Variants in ANKRD44 observed in about 807,000 individuals in gnomAD.
The protein encoded by ANKRD44 is ankyrin repeat domain 44.
Under a neutral mutation model 116.0 loss-of-function variants are expected in ANKRD44, and 35 were observed. The ratio of observed to expected loss-of-function variants is 0.30; its 90% CI spans 0.23 to 0.40. The LOEUF is 0.40. ANKRD44 is among the 10% of genes least tolerant of loss of function. The pLI is 1.00. For missense variants in ANKRD44, 1,014 were observed against 1,242.6 expected (o/e 0.82, Z 2.77); for synonymous variants, 435 against 461.8 (o/e 0.94, Z 0.74).
intron 8 of ANKRD44, among the ~76,000 whole-genome samples, chr2:197,113,211 T>C (rs1033798930): frequency 5.9e-5 from 9 of 152,108 alleles, no homozygotes; most frequent in Admixed American, 6.5e-5. Context: ...GAAGGAGAGC[T>C]CCTAAAAGTT....
chr2:197,172,957 G>C (rs962628938), intron 2 of ANKRD44, among the ~76,000 whole-genome samples: 11 of 152,158 alleles, frequency 7.2e-5, no homozygotes, highest in African/African-American at 2.7e-4. Context: ...GAATAGAAGT[G>C]AAACAGCCAA....
At chr2:197,162,712 G>A (rs1048050269) in intron 2 of ANKRD44, among the ~76,000 whole-genome samples, 8 of 152,134 alleles carry the variant, frequency 5.3e-5, no homozygotes, top group African/African-American at 1.9e-4. Flanking sequence ...CCATGCTATA[G>A]GCTTCTGGAC....
chr2:197,019,058 A>G (rs879464189), intron 17 of ANKRD44, among the ~76,000 whole-genome samples: 1 of 152,214 alleles, frequency 6.6e-6, no homozygotes, highest in Non-Finnish European at 1.5e-5. Context: ...TCCAGACAAA[A>G]TTCTCTTGTC....
chr2:196,969,108 C>G (rs2075696352), intron 21 of ANKRD44, among the ~76,000 whole-genome samples: 1 of 152,192 alleles, frequency 6.6e-6, no homozygotes, highest in African/African-American at 2.4e-5. Flanking sequence ...AGGGAGGCAA[C>G]AGATACATGT....
intron 2 of ANKRD44, among the ~76,000 whole-genome samples, chr2:197,163,968 T>A (rs542690119): frequency 6.6e-6 from 1 of 152,148 alleles, no homozygotes; most frequent in East Asian, 1.9e-4. Context: ...GAGATTACAG[T>A]GGGGGAGTGG....
intron 27 of ANKRD44, chr2:196,990,034 C>T (rs2075890421): frequency 2.0e-6 from 2 of 1,014,610 alleles, no homozygotes; most frequent in South Asian, 4.0e-5. Context: ...ATAGGGAACA[C>T]TGTGTTAAAC....
chr2:197,309,797 T>TA (rs1282464818), intron 1 of ANKRD44, among the ~76,000 whole-genome samples: 5 of 152,170 alleles, frequency 3.3e-5, no homozygotes, highest in Non-Finnish European at 7.3e-5. Flanking sequence ...AGGTGGCTGT[T>TA]ACCATTCCAC....
chr2:196,971,944 A>G (rs1574204146), intron 21 of ANKRD44, among the ~76,000 whole-genome samples: 1 of 152,214 alleles, frequency 6.6e-6, no homozygotes. Flanking sequence ...ATGGATCTCT[A>G]TCCCAGCTCT....
At chr2:197,101,986 C>G (rs146912906) in intron 9 of ANKRD44, among the ~76,000 whole-genome samples, 2 of 151,986 alleles carry the variant, frequency 1.3e-5, no homozygotes, top group Non-Finnish European at 2.9e-5. Flanking sequence ...CCTCTTCATC[C>G]TCATACACAA....
intron 1 of ANKRD44, among the ~76,000 whole-genome samples, chr2:197,210,018 C>T (rs762323036): frequency 4.6e-5 from 7 of 152,152 alleles, no homozygotes; most frequent in Non-Finnish European, 8.8e-5. Context: ...ACCTAAGAGA[C>T]GTCTTACAGA....
chr2:197,136,678 A>G lies in ANKRD44; in HGVS notation c.191-16T>C, dbSNP rs936710674. 6.2e-7 allele frequency: 1 copy of G among 1,613,468 alleles called. No individual in the cohort carries two copies. Among genetic ancestry groups the G allele is most frequent in the African/African-American group, 1.3e-5 (1 of 74,892 alleles). ...ACACGAGCTCCTGGAATCAAACAGC[A>G]CAAGTTAGAGGCATAATGGGGTCAA... On this transcript the variant is annotated splice_polypyrimidine_tract_variant and intron_variant, in intron 3 of 27. Transcript: ENST00000282272.
chr2:197,294,864 T>A (rs1402224758), intron 1 of ANKRD44, among the ~76,000 whole-genome samples: 1 of 152,178 alleles, frequency 6.6e-6, no homozygotes, highest in Non-Finnish European at 1.5e-5. Context: ...TTTGCTCTCA[T>A]ATATAAGAAG....
intron 16 of ANKRD44, among the ~76,000 whole-genome samples, chr2:197,031,462 C>T (rs2124891372): frequency 6.6e-6 from 1 of 152,270 alleles, no homozygotes; most frequent in Admixed American, 6.5e-5. Context: ...TCTTGCCTCA[C>T]CCTCCTGAGT....
intron 3 of ANKRD44, among the ~76,000 whole-genome samples, chr2:197,144,380 G>T (rs1182105344): frequency 6.6e-6 from 1 of 152,168 alleles, no homozygotes; most frequent in African/African-American, 2.4e-5. Context: ...GAAACAGTTT[G>T]GTTGGATTCC....
rs1474036654 is a variant in ANKRD44, at chr2:197,013,563, T to C, written c.1872A>G (p.Ala624=). 1 of 1,614,224 alleles carries C rather than the reference T, an allele frequency of 6.2e-7. No homozygotes were observed. Among genetic ancestry groups the C allele is most frequent in the Non-Finnish European group, 8.5e-7 (1 of 1,180,040 alleles). The change falls in exon 18 of 28, where the codon GCA becomes GCG. Residue 624 remains alanine (A), a synonymous_variant. Coordinates refer to ENST00000282272, the MANE Select transcript of ANKRD44 (RefSeq NM_001195144.2). Reference sequence around the variant, plus strand: ...TTACATTGTCTTTCACAAAGATGGATGCGCCCTGATTGATAAGCGCTTCCA... The same window carrying C: ...TTACATTGTCTTTCACAAAGATGGACGCGCCCTGATTGATAAGCGCTTCCA... ...ECVEALINQG[A]SIFVKDNVTK...
chr2:196,983,107 T>C (rs948856268), downstream of ANKRD44, among the ~76,000 whole-genome samples: 1 of 152,002 alleles, frequency 6.6e-6, no homozygotes, highest in Non-Finnish European at 1.5e-5. Context: ...GACGGGTTGA[T>C]AGGTGCAGCA....
intron 16 of ANKRD44, among the ~76,000 whole-genome samples, chr2:197,045,636 G>A (rs561631113): frequency 6.6e-6 from 1 of 152,286 alleles, no homozygotes; most frequent in Admixed American, 6.5e-5. Context: ...GACAGGCTTG[G>A]AATCTCACTC....
At chr2:197,252,019 T>C (rs1574364486) in intron 1 of ANKRD44, among the ~76,000 whole-genome samples, 1 of 152,360 alleles carries the variant, frequency 6.6e-6, no homozygotes, top group East Asian at 1.9e-4. Flanking sequence ...AATTATTCTT[T>C]CAGTATGGGA....
chr2:196,996,797 G>T (rs1275004784), intron 25 of ANKRD44, among the ~76,000 whole-genome samples: 1 of 151,668 alleles, frequency 6.6e-6, no homozygotes, highest in African/African-American at 2.4e-5. Context: ...CCAGCTACTC[G>T]GGTGGCTGAG....
Sources: gnomAD v4.1 joint callset for allele counts (sites outside exome capture counted in the v4.1 genomes callset) on GRCh38, gnomAD v4.1.1 for gene constraint, MANE v1.5 for transcripts, NCBI Gene and HGNC (gene_info 2026-07-23, HGNC 2026-07-21) for gene names.